Variants in TTC34 observed in about 807,000 individuals in gnomAD.
TTC34 encodes the protein tetratricopeptide repeat domain 34.
A neutral mutation model predicts 40.7 loss-of-function variants in TTC34; 44 were observed. The ratio of observed to expected loss-of-function variants is 1.08; its 90% CI spans 0.85 to 1.39. The LOEUF is 1.39. Among genes scored for constraint, TTC34 ranks in the 40% most tolerant of loss-of-function variants. The pLI, the probability that TTC34 is intolerant of heterozygous loss-of-function variation, is 0.00. For missense variants in TTC34, 884 were observed against 838.0 expected, an observed-to-expected ratio of 1.05 and a Z score of -0.68; for synonymous variants, 422 against 398.6, an observed-to-expected ratio of 1.06 and a Z score of -0.70.
chr1:2,644,211 G>T (rs1467475785), intron 8 of TTC34, 53 bp downstream of exon 8: 3 of 1,494,760 alleles, frequency 2.0e-6, no homozygotes, highest in Non-Finnish European at 2.7e-6. Context: ...GGGGTCTCAT[G>T]CCTGTGTGCT....
chr1:2,784,789 C>A (rs1351543553), intron 5 of TTC34, among the ~76,000 whole-genome samples: 1 of 152,228 alleles, frequency 6.6e-6, no homozygotes, highest in South Asian at 2.1e-4. Flanking sequence ...TAATTTGTAT[C>A]ATGACTATTC....
intron 2 of TTC34, 22 bp downstream of exon 2, chr1:2,800,021 CA>C: frequency 2.5e-6 from 1 of 398,494 alleles, no homozygotes; most frequent in Non-Finnish European, 4.4e-6. Flanking sequence ...CCTGGCTCTG[CA>C]GGGGCCATGC....
chr1:2,754,006 C>T (rs1641416602), intron 6 of TTC34, among the ~76,000 whole-genome samples: 1 of 98,278 alleles, frequency 1.0e-5, no homozygotes, highest in Non-Finnish European at 1.9e-5. Context: ...ACGCACAGAG[C>T]AGCACCCACA....
intron 6 of TTC34, among the ~76,000 whole-genome samples, chr1:2,757,445 T>G (rs1371590909): frequency 2.4e-5 from 1 of 41,514 alleles, no homozygotes; most frequent in African/African-American, 1.6e-4. Context: ...GGCGAGCATC[T>G]GACAGCCTGG....
intron 6 of TTC34, among the ~76,000 whole-genome samples, chr1:2,699,512 C>T (rs1196370955): frequency 8.9e-6 from 1 of 111,886 alleles, no homozygotes; most frequent in Admixed American, 1.0e-4. Flanking sequence ...GAGAATCTGA[C>T]AGCCTGGAAC....
intron 6 of TTC34, among the ~76,000 whole-genome samples, chr1:2,767,421 C>T (rs1193663190): frequency 5.1e-5 from 7 of 137,604 alleles, no homozygotes; most frequent in Non-Finnish European, 9.5e-5. Flanking sequence ...AGCATCTGAC[C>T]GCATGGAATG....
chr1:2,790,470 A>G (rs777350665), intron 2 of TTC34, 124 bp from the exon 3 acceptor site: 3 of 397,236 alleles, frequency 7.6e-6, no homozygotes, highest in Non-Finnish European at 1.3e-5. Context: ...TGCCCGAGGC[A>G]TCTCCCTCCA....
At chr1:2,655,551 C>G (rs1463713994) in intron 6 of TTC34, among the ~76,000 whole-genome samples, 1 of 125,544 alleles carries the variant, frequency 8.0e-6, no homozygotes, top group African/African-American at 3.1e-5. Flanking sequence ...GAGCATCTGA[C>G]AGCCTGCAAC....
intron 6 of TTC34, among the ~76,000 whole-genome samples, chr1:2,684,506 G>T (rs78205408): frequency 3.8e-5 from 1 of 26,418 alleles, no homozygotes; most frequent in African/African-American, 1.5e-4. Flanking sequence ...GGCCTGGAAC[G>T]GCACCCACAC....
Position 2,785,862 on chromosome 1 carries a change from G to C in TTC34, c.2016C>G (p.Thr672=), listed in dbSNP as rs756544743. The C allele has an allele frequency of 2.6e-6, 4 of 1,544,710 alleles. No individual in the cohort carries two copies. In the South Asian group the frequency reaches 4.8e-5, roughly 18 times the overall value. The change falls in exon 5 of 9, where the codon ACC becomes ACG. Residue 672 remains threonine (T), a synonymous_variant. Coordinates refer to ENST00000401095, the Ensembl canonical transcript of TTC34. The stretch of plus-strand genomic sequence containing the variant: ...GAGACAGGTAGGCGATGGCCTCCTT[G>C]GTGTGAACCCTGCCGTCGGCCCCGC...
chr1:2,771,516 A>G (rs1569786192), intron 6 of TTC34, among the ~76,000 whole-genome samples: 3 of 73,514 alleles, frequency 4.1e-5, no homozygotes, highest in African/African-American at 1.0e-4. Context: ...CTGGAGTAGC[A>G]CGCACACCCC....
At chr1:2,751,912 C>G (rs1298151606) in intron 6 of TTC34, among the ~76,000 whole-genome samples, 1 of 101,222 alleles carries the variant, frequency 9.9e-6, no homozygotes, top group African/African-American at 4.7e-5. Flanking sequence ...ATCTGATGGT[C>G]TGGAGCAGCA....
intron 6 of TTC34, among the ~76,000 whole-genome samples, chr1:2,752,347 G>A (rs1641348975): frequency 7.6e-6 from 1 of 132,192 alleles, no homozygotes; most frequent in Non-Finnish European, 1.6e-5. Flanking sequence ...GTGAGCATCT[G>A]ACCGCCTGGA....
chr1:2,793,413 A>G (rs1643683284), intron 2 of TTC34, among the ~76,000 whole-genome samples: 1 of 152,222 alleles, frequency 6.6e-6, no homozygotes, highest in Admixed American at 6.5e-5. Context: ...ATATTTTGCA[A>G]GCATTTTTCT....
At chr1:2,652,025 G>GGC (rs755100954) in intron 6 of TTC34, among the ~76,000 whole-genome samples, 72,752 of 76,808 alleles carry the variant, frequency 0.95, 34,901 homozygotes, top group Admixed American at 0.96. Flanking sequence ...ACCTGACATC[G>GGC]TGGAGCAGCA....
At chr1:2,638,555 C>G (rs994651365) in exon 9 of TTC34, 1 of 152,316 alleles carries the variant, frequency 6.6e-6, no homozygotes, top group Non-Finnish European at 1.5e-5. Context: ...CCACCTCCAG[C>G]TGAGCACTGA....
At chr1:2,688,432 C>T (rs796901742) in intron 6 of TTC34, among the ~76,000 whole-genome samples, 2 of 136,168 alleles carry the variant, frequency 1.5e-5, no homozygotes, top group Non-Finnish European at 3.1e-5. Context: ...ATCCGACAGC[C>T]TGGAGCAGGA....
intron 6 of TTC34, among the ~76,000 whole-genome samples, chr1:2,751,775 G>A (rs1641328698): frequency 6.9e-6 from 1 of 145,174 alleles, no homozygotes; most frequent in Non-Finnish European, 1.5e-5. Context: ...ACACCCACAG[G>A]TGAGCATCTG....
Position 2,783,572 on chromosome 1 carries a change from G to A in TTC34, c.2226+37C>T, listed in dbSNP as rs4648502. On this transcript the variant is annotated intron_variant, in intron 6 of 8. Transcript: ENST00000401095. ...AGGCAGCTCCCTGGGTCCCCCACCCGTGCTTGCCCAGGCCCAGGTCAGGAG... is the reference window on the plus strand; with the variant it reads ...AGGCAGCTCCCTGGGTCCCCCACCCATGCTTGCCCAGGCCCAGGTCAGGAG... 1.7e-5 allele frequency: 22 copies of A among 1,331,906 alleles called. No homozygotes were observed. The Admixed American group carries it at 1.9e-4, about 12-fold the overall frequency. The allele number at this position is 1,331,906 out of a possible 1,614,324, so 82.5% of individuals were successfully genotyped here.
Sources: gnomAD v4.1 joint callset for allele counts (sites outside exome capture counted in the v4.1 genomes callset) on GRCh38, gnomAD v4.1.1 for gene constraint, MANE v1.5 for transcripts, NCBI Gene and HGNC (gene_info 2026-07-23, HGNC 2026-07-21) for gene names.